SEZ6L: variants seen among roughly 807,000 people sequenced by gnomAD.
SEZ6L encodes seizure 6-like protein.
A neutral mutation model predicts 106.2 loss-of-function variants in SEZ6L; 37 were observed. That is an observed-to-expected ratio of 0.35 (90% CI 0.27 to 0.46). The LOEUF (loss-of-function observed/expected upper bound fraction) is 0.46, where lower values mean the gene tolerates loss of function less well. SEZ6L is among the 20% of genes least tolerant of loss of function. The pLI, the probability that SEZ6L is intolerant of heterozygous loss-of-function variation, is 1.00. For missense variants in SEZ6L, 1,172 were observed against 1,332.8 expected, an observed-to-expected ratio of 0.88 and a Z score of 1.88; for synonymous variants, 541 against 570.4, an observed-to-expected ratio of 0.95 and a Z score of 0.73.
intron 1 of SEZ6L, among the ~76,000 whole-genome samples, chr22:26,200,089 A>G (rs749026591): frequency 1.3e-5 from 2 of 152,244 alleles, no homozygotes; most frequent in Non-Finnish European, 2.9e-5. Context: ...ACTGGAATGT[A>G]GCACTGCTTC....
At position 26,308,766 on chromosome 22, in the gene SEZ6L, T is replaced by G. The variant is rs111426220; in HGVS notation, c.1515-1904T>G. Among the ~76,000 whole-genome samples, 565 of 152,340 alleles carry G rather than the reference T, an allele frequency of 3.7e-3. 6 individuals are homozygous for G. Among genetic ancestry groups the G allele is most frequent in the African/African-American group, 0.013 (530 of 41,576 alleles). On this transcript the variant is annotated intron_variant, in intron 6 of 16. Transcript: ENST00000248933. Reference sequence around the variant, plus strand: ...AGAAAATGTATTACTATTGCAGACATTCTAGAAAATATGGTTAGAAAATTG... The same window carrying G: ...AGAAAATGTATTACTATTGCAGACAGTCTAGAAAATATGGTTAGAAAATTG...
chr22:26,320,479 T>G (rs1268706459), intron 9 of SEZ6L, among the ~76,000 whole-genome samples: 2 of 152,176 alleles, frequency 1.3e-5, no homozygotes, highest in Admixed American at 6.5e-5. Flanking sequence ...TCAGTCCCAG[T>G]TTTAATCATC....
intron 3 of SEZ6L, 112 bp from the exon 4 acceptor site, chr22:26,296,776 C>G (rs2145893330): frequency 1.1e-6 from 1 of 898,306 alleles, no homozygotes; most frequent in African/African-American, 1.7e-5. Flanking sequence ...GTCCCGTTGA[C>G]CAGGGGCTAG....
intron 1 of SEZ6L, among the ~76,000 whole-genome samples, chr22:26,227,716 C>T (rs2078676102): frequency 1.3e-5 from 2 of 152,002 alleles, no homozygotes; most frequent in African/African-American, 2.4e-5. Flanking sequence ...ACCACACCCA[C>T]CCTTTGTTCG....
chr22:26,208,619 ATGTT>A (rs775841684), intron 1 of SEZ6L, among the ~76,000 whole-genome samples: 40 of 152,182 alleles, frequency 2.6e-4, no homozygotes, highest in Non-Finnish European at 5.0e-4. Context: ...TGTATATGAT[ATGTT>A]TGTTTTCTTT....
At chr22:26,272,298 C>T (rs1215591404) in intron 1 of SEZ6L, among the ~76,000 whole-genome samples, 9 of 152,072 alleles carry the variant, frequency 5.9e-5, no homozygotes, top group East Asian at 1.9e-4. Flanking sequence ...TTTCTATGTC[C>T]GAGTTACATT....
At chr22:26,336,728 G>A (rs193003312) in intron 9 of SEZ6L, among the ~76,000 whole-genome samples, 1 of 152,140 alleles carries the variant, frequency 6.6e-6, no homozygotes, top group Admixed American at 6.5e-5. Flanking sequence ...TTGGGTTGAG[G>A]GGCTGTCTTG....
At chr22:26,265,627 C>T (rs2080151742) in intron 1 of SEZ6L, among the ~76,000 whole-genome samples, 1 of 152,200 alleles carries the variant, frequency 6.6e-6, no homozygotes, top group Admixed American at 6.5e-5. Context: ...TCCTATCCAT[C>T]TTCTTTAGAG....
chr22:26,373,451 TTAATCA>T lies in SEZ6L; in HGVS notation c.2796_2801del (p.Asn933_Gln934del). ...CAATGCTTCCTGATTTCTCTTTCAG[TTAATCA>T]AGACAGTTTTGAACATGCTTTAGAA... On this transcript the variant is annotated inframe_deletion and splice_region_variant, in exon 14 of 17. Coordinates refer to ENST00000248933, the MANE Select transcript of SEZ6L (RefSeq NM_021115.5). The T allele has an allele frequency of 6.2e-7, 1 of 1,601,632 alleles. No homozygotes were observed. Among genetic ancestry groups the T allele is most frequent in the Non-Finnish European group, 8.5e-7 (1 of 1,176,050 alleles).
chr22:26,321,480 A>AG (rs2082152353), intron 9 of SEZ6L, among the ~76,000 whole-genome samples: 1 of 150,824 alleles, frequency 6.6e-6, no homozygotes, highest in Non-Finnish European at 1.5e-5. Flanking sequence ...GCTTTGCAGA[A>AG]GGGAGCTGAG....
At chr22:26,277,381 G>A (rs1192553599) in intron 1 of SEZ6L, among the ~76,000 whole-genome samples, 2 of 152,220 alleles carry the variant, frequency 1.3e-5, no homozygotes, top group East Asian at 1.9e-4. Context: ...GAGTTCACGT[G>A]TGCAGTTTGG....
At chr22:26,253,687 C>T (rs2079695237) in intron 1 of SEZ6L, among the ~76,000 whole-genome samples, 1 of 152,124 alleles carries the variant, frequency 6.6e-6, no homozygotes, top group African/African-American at 2.4e-5. Flanking sequence ...TTACTGTATA[C>T]ATTCTCAATG....
intron 1 of SEZ6L, among the ~76,000 whole-genome samples, chr22:26,251,338 GTT>G (rs5844679): frequency 0.13 from 19,984 of 149,146 alleles, 1,406 homozygotes; most frequent in Middle Eastern, 0.21. Flanking sequence ...TTTGTTGAAA[GTT>G]TTTTTTTTTT....
intron 1 of SEZ6L, among the ~76,000 whole-genome samples, chr22:26,278,361 G>C (rs1006690139): frequency 3.3e-5 from 5 of 152,312 alleles, no homozygotes; most frequent in African/African-American, 1.2e-4. Context: ...TAACGATGAA[G>C]TTTGGGCTTC....
chr22:26,313,428 C>T (rs1269094235), intron 8 of SEZ6L, among the ~76,000 whole-genome samples: 6 of 152,258 alleles, frequency 3.9e-5, no homozygotes, highest in East Asian at 3.9e-4. Flanking sequence ...CTACTCACCC[C>T]GCAAAAGAGC....
At chr22:26,317,727 G>A (rs1601483855) in intron 9 of SEZ6L, among the ~76,000 whole-genome samples, 1 of 152,010 alleles carries the variant, frequency 6.6e-6, no homozygotes, top group African/African-American at 2.4e-5. Flanking sequence ...CCCTTGCAGC[G>A]GGGGCAGGCT....
At chr22:26,306,170 A>G (rs755274811) in intron 6 of SEZ6L, 26 bp downstream of exon 6, 4 of 1,606,054 alleles carry the variant, frequency 2.5e-6, no homozygotes, top group African/African-American at 1.3e-5. Context: ...TCCACACCCA[A>G]CCCCGTTTCT....
chr22:26,313,881 G>T lies in SEZ6L; in HGVS notation c.1994G>T (p.Arg665Leu). The T allele has an allele frequency of 6.2e-7, 1 of 1,607,384 alleles. No homozygotes were observed. Among genetic ancestry groups the T allele is most frequent in the Non-Finnish European group, 8.5e-7 (1 of 1,174,226 alleles). ...IWKIHVGEEK[R>L]IFLDIQFLNL... ...AAGATCCACGTGGGAGAAGAGAAACGGATCTTCTTAGATATCCAGTTGTGA... is the reference window on the plus strand; with the variant it reads ...AAGATCCACGTGGGAGAAGAGAAACTGATCTTCTTAGATATCCAGTTGTGA... The change falls in exon 9 of 17, where the codon CGG (arginine) becomes CTG (leucine). Residue 665 changes from arginine (R) to leucine (L), a missense_variant. Physicochemically the swap from Arg to Leu is moderately radical, Grantham distance 102. Coordinates refer to ENST00000248933, the MANE Select transcript of SEZ6L (RefSeq NM_021115.5).
At chr22:26,333,101 G>A (rs2082538412) in intron 9 of SEZ6L, among the ~76,000 whole-genome samples, 1 of 152,212 alleles carries the variant, frequency 6.6e-6, no homozygotes, top group Non-Finnish European at 1.5e-5. Flanking sequence ...CCTGAGAAAG[G>A]GAGGATTTAA....
Sources: gnomAD v4.1 joint callset for allele counts (sites outside exome capture counted in the v4.1 genomes callset) on GRCh38, gnomAD v4.1.1 for gene constraint, MANE v1.5 for transcripts, NCBI Gene and HGNC (gene_info 2026-07-23, HGNC 2026-07-21) for gene names.